CYP26A1: variants seen among roughly 807,000 people sequenced by gnomAD.
The protein encoded by CYP26A1 is cytochrome P450 family 26 subfamily A member 1.
In CYP26A1, 46 loss-of-function variants were observed where a neutral mutation model predicts 47.4. The observed-to-expected ratio is 0.97, with a 90% CI of 0.77 to 1.24. The LOEUF (loss-of-function observed/expected upper bound fraction) is 1.24, where lower values mean the gene tolerates loss of function less well. CYP26A1 is among the 50% of genes most tolerant of loss of function. The probability of loss-of-function intolerance (pLI) is 0.00; values close to 1 mark genes in which losing one functional copy is unlikely to be tolerated. For synonymous variants in CYP26A1, 277 were observed against 263.7 expected, an observed-to-expected ratio of 1.05 and a Z score of -0.49; for missense variants, 680 against 644.4, an observed-to-expected ratio of 1.06 and a Z score of -0.60.
Position 93,073,950 on chromosome 10 carries a change from C to A in CYP26A1, c.16C>A (p.Leu6Met). 1 of 1,116,310 alleles carries A rather than the reference C, an allele frequency of 9.0e-7. No individual in the cohort carries two copies. Among genetic ancestry groups the A allele is most frequent in the Non-Finnish European group, 1.4e-6 (1 of 734,340 alleles). 69.2% of individuals were successfully genotyped at this position (1,116,310 alleles called of 1,614,324 possible). A position where few individuals can be genotyped will look rare whatever the true frequency, so the allele number is the denominator to read the frequency against. Residue 6 changes from leucine (L) to methionine (M), a missense_variant, in exon 1 of 7, where the codon CTG (leucine) becomes ATG (methionine). Leu to Met is a conservative substitution (Grantham distance 15). Transcript: ENST00000224356. MGLPA[L>M]LASALCTFVL... is the part of the protein sequence containing the mutation. ...GCGGCGCGCCATGGGGCTCCCGGCG[C>A]TGCTGGCCAGTGCGCTCTGCACCTT...
At position 93,074,650 on chromosome 10, in the gene CYP26A1, C is replaced by G. The variant is rs1052605589; in HGVS notation, c.414+118C>G. On this transcript the variant is annotated intron_variant, in intron 2 of 6. Transcript: ENST00000224356. The surrounding 1 kb of genome is among the most constrained non-coding windows in gnomAD (Gnocchi z 5.3). ...GAGGTGGGCTAGGACCCTCTGCCAG[C>G]TCCAGGTTAGCTTTCCCAGCTCGGA... is the stretch of plus-strand genomic sequence containing the variant. The G allele has an allele frequency of 8.4e-6, 9 of 1,071,024 alleles. No homozygotes were observed. Among genetic ancestry groups the G allele is most frequent in the African/African-American group, 1.5e-5 (1 of 64,762 alleles). The allele number at this position is 1,071,024 out of a possible 1,614,324, so 66.3% of individuals were successfully genotyped here. A position where few individuals can be genotyped will look rare whatever the true frequency, so the allele number is the denominator to read the frequency against.
At position 93,074,956 on chromosome 10, in the gene CYP26A1, C is replaced by G. The variant is rs757705329; in HGVS notation, c.592C>G (p.Pro198Ala). The G allele has an allele frequency of 6.2e-7, 1 of 1,613,260 alleles. No homozygotes were observed. The highest frequency in any genetic ancestry group is 1.1e-5 in the South Asian group (1 of 91,084). ...CATGCGCATCCTACTGGGCTGCGAA[C>G]CCCAACTGGCGGGCGACGGGGACTC... is the stretch of plus-strand genomic sequence containing the variant. ...IAMRILLGCE[P>A]QLAGDGDSEQ... The change falls in exon 3 of 7, where the codon CCC becomes GCC. Residue 198 changes from proline to alanine, a missense_variant. Pro to Ala is a conservative substitution (Grantham distance 27, BLOSUM62 -1). Transcript: ENST00000224356. This position sits in a 1 kb window ranked among gnomAD's most constrained non-coding sequence, Gnocchi z 5.3.
In CYP26A1 at chr10:93,077,885, A is replaced by G. The variant is rs189730746; in HGVS notation, c.*581A>G. The stretch of plus-strand genomic sequence containing the variant: ...ACATAATAAATCTGTGTTGTCCAAT[A>G]GTGCCAGAACTGTTCTCTGAAGTTA... On this transcript the variant is annotated 3_prime_UTR_variant, in exon 7 of 7. Transcript: ENST00000224356. 1.3e-5 allele frequency: 2 copies of G among 152,382 alleles called. No individual in the cohort carries two copies. Among genetic ancestry groups the G allele is most frequent in the East Asian group, 3.9e-4 (2 of 5,184 alleles). 9.4% of individuals were successfully genotyped at this position (152,382 alleles called of 1,614,324 possible).
chr10:93,075,344 G>T (rs761215823), intron 4 of CYP26A1, 37 bp downstream of exon 4: 4 of 1,595,578 alleles, frequency 2.5e-6, no homozygotes, highest in Non-Finnish European at 3.4e-6. Flanking sequence ...TGCGGAGTTT[G>T]GTCCCCTGGC....
At chr10:93,073,764 G>A (rs1323795072), upstream of CYP26A1, 11 of 567,832 alleles carry the variant, frequency 1.9e-5, no homozygotes, top group Non-Finnish European at 2.8e-5. Context: ...GCAGCGCCTC[G>A]CGGGGGGAGG....
intron 6 of CYP26A1, 34 bp downstream of exon 6, chr10:93,076,730 T>G: frequency 6.5e-7 from 1 of 1,533,482 alleles, no homozygotes; most frequent in Non-Finnish European, 8.9e-7. Flanking sequence ...TCCCTTTTGT[T>G]GTGGTTTAAA....
In CYP26A1 at chr10:93,076,622, A is replaced by G. The variant is rs770238453; in HGVS notation, c.1078A>G (p.Ile360Val). The G allele has an allele frequency of 1.9e-6, 3 of 1,608,604 alleles. No homozygotes were observed. Among genetic ancestry groups the G allele is most frequent in the South Asian group, 2.2e-5 (2 of 90,912 alleles). ...LEQLKYIGCV[I>V]KETLRLNPPV... ...ACAACTTAAATACATCGGGTGTGTT[A>G]TTAAGGAGACCCTTCGACTGAATCC... Residue 360 changes from isoleucine (I) to valine (V), a missense_variant, in exon 6 of 7, where the codon ATT (isoleucine) becomes GTT (valine). Physicochemically the swap from Ile to Val is conservative, Grantham distance 29. Coordinates refer to ENST00000224356, the MANE Select transcript of CYP26A1 (RefSeq NM_000783.4).
Position 93,075,289 on chromosome 10 carries a change from A to AGAGCGGC in CYP26A1, c.847_853dup (p.Leu285ArgfsTer51). 2 of 1,613,952 alleles carry AGAGCGGC rather than the reference A, an allele frequency of 1.2e-6. No homozygotes were observed. The highest frequency in any genetic ancestry group is 1.7e-6 in the Non-Finnish European group (2 of 1,179,878). On this transcript the variant is annotated frameshift_variant, in exon 4 of 7. Transcript: ENST00000224356. LOFTEE classifies it high-confidence loss of function. Reference sequence around the variant, plus strand: ...TGATCGAGCACTCGTGGGAGAGGGGAGAGCGGCTGGACATGCAGGTGAGTA... The same window carrying AGAGCGGC: ...TGATCGAGCACTCGTGGGAGAGGGGAGAGCGGCGAGCGGCTGGACATGCAGGTGAGTA...
chr10:93,075,939 G>A lies in CYP26A1; in HGVS notation c.978G>A (p.Val326=). 6.2e-7 allele frequency: 1 copy of A among 1,613,400 alleles called. No individual in the cohort carries two copies. The highest frequency in any genetic ancestry group is 1.1e-5 in the South Asian group (1 of 91,074). ...LGLYPHVLQK[V]REELKSKGLL... The stretch of plus-strand genomic sequence containing the variant: ...TCTACCCACATGTTCTCCAGAAAGT[G>A]CGAGAAGAGCTGAAGAGTAAGGTAG... Residue 326 remains valine, a synonymous_variant, in exon 5 of 7, where the codon GTG becomes GTA. Coordinates refer to ENST00000224356, the MANE Select transcript of CYP26A1 (RefSeq NM_000783.4).
intron 5 of CYP26A1, 31 bp from the exon 6 acceptor site, chr10:93,076,513 A>T: frequency 6.5e-7 from 1 of 1,527,574 alleles, no homozygotes; most frequent in Non-Finnish European, 8.9e-7. Context: ...GCACAAAATA[A>T]CTGTTCACCT....
rs369990701 is a variant in CYP26A1, at chr10:93,074,301, C to G, written c.190-7C>G. 36 of 1,579,654 alleles carry G rather than the reference C, an allele frequency of 2.3e-5. No individual in the cohort carries two copies. The highest frequency in any genetic ancestry group is 3.1e-5 in the Non-Finnish European group (36 of 1,149,918). ...GCCCACTTCTCTCCTCCGCCTTCCTCCCACAGCGGAGGAAGTTCCTGCAGA... is the reference window on the plus strand; with the variant it reads ...GCCCACTTCTCTCCTCCGCCTTCCTGCCACAGCGGAGGAAGTTCCTGCAGA... On this transcript the variant is annotated splice_region_variant and splice_polypyrimidine_tract_variant and intron_variant, in intron 1 of 6. Coordinates refer to ENST00000224356, the MANE Select transcript of CYP26A1 (RefSeq NM_000783.4). The surrounding 1 kb of genome is among the most constrained non-coding windows in gnomAD (Gnocchi z 5.3).
rs192234280 is a variant in CYP26A1 at position 93,077,490 on chromosome 10, G to A, written c.*186G>A. On this transcript the variant is annotated 3_prime_UTR_variant, in exon 7 of 7. Coordinates refer to ENST00000224356, the MANE Select transcript of CYP26A1 (RefSeq NM_000783.4). Reference sequence around the variant, plus strand: ...ATCATTTCCAAATAAAGTAAAATTTGAAGGTACTTTTCTGGTATTTTAAGA... The same window carrying A: ...ATCATTTCCAAATAAAGTAAAATTTAAAGGTACTTTTCTGGTATTTTAAGA... The A allele has an allele frequency of 1.2e-3, 448 of 371,376 alleles. 1 individual carries two copies. The highest frequency in any genetic ancestry group is 7.9e-3 in the African/African-American group (379 of 48,034). The allele number at this position is 371,376 out of a possible 1,614,324, so 23.0% of individuals were successfully genotyped here.
In CYP26A1 at chr10:93,075,243, G is replaced by A; in HGVS notation, c.800G>A (p.Cys267Tyr). The stretch of plus-strand genomic sequence containing the variant: ...CGGGCATCCGAGGCGGGCCAGGGCT[G>A]CAAAGACGCGCTGCAGCTGTTGATC... ...GLRASEAGQG[C>Y]KDALQLLIEH... The change falls in exon 4 of 7, where the codon TGC (cysteine) becomes TAC (tyrosine). Residue 267 changes from cysteine to tyrosine, a missense_variant. Transcript: ENST00000224356. The A allele has an allele frequency of 6.2e-7, 1 of 1,614,054 alleles. No individual in the cohort carries two copies. Among genetic ancestry groups the A allele is most frequent in the Non-Finnish European group, 8.5e-7 (1 of 1,180,002 alleles).
rs768851695 is a variant in CYP26A1 at position 93,075,863 on chromosome 10, G to T, written c.902G>T (p.Gly301Val). The T allele has an allele frequency of 6.2e-7, 1 of 1,611,348 alleles. No individual in the cohort carries two copies. ...KQSSTELLFG[G>V]HETTASAATS... is the part of the protein sequence containing the mutation. The stretch of plus-strand genomic sequence containing the variant: ...TCTTCAACCGAACTCCTCTTTGGAG[G>T]ACACGAAACCACGGCCAGTGCAGCC... The change falls in exon 5 of 7, where the codon GGA becomes GTA. Residue 301 changes from glycine (G) to valine (V), a missense_variant. Physicochemically the swap from Gly to Val is moderately radical, Grantham distance 109 (BLOSUM62 -3). Transcript: ENST00000224356.
chr10:93,074,536 G>T lies in CYP26A1; in HGVS notation c.414+4G>T. On this transcript the variant is annotated splice_donor_region_variant and intron_variant, in intron 2 of 6. Coordinates refer to ENST00000224356, the MANE Select transcript of CYP26A1 (RefSeq NM_000783.4). This position sits in a 1 kb window ranked among gnomAD's most constrained non-coding sequence, Gnocchi z 5.3. ...CTCGCACAAGCAGCGCAAGAAGGTG[G>T]GGGCAGGAGGCGACGGCTGGACAGG... 1 of 1,561,338 alleles carries T rather than the reference G, an allele frequency of 6.4e-7. No homozygotes were observed.
chr10:93,075,221 G>C lies in CYP26A1; in HGVS notation c.778G>C (p.Ala260Pro). ...TCGCGCCAAGATCTGCGGGCTGCGG[G>C]CATCCGAGGCGGGCCAGGGCTGCAA... The part of the protein sequence containing the change: ...NIRAKICGLR[A>P]SEAGQGCKDA... The change falls in exon 4 of 7, where the codon GCA (alanine) becomes CCA (proline). Residue 260 changes from alanine to proline, a missense_variant. Ala to Pro is a conservative substitution (Grantham distance 27). Coordinates refer to ENST00000224356, the MANE Select transcript of CYP26A1 (RefSeq NM_000783.4). 6.2e-7 allele frequency: 1 copy of C among 1,614,024 alleles called. No individual in the cohort carries two copies. The highest frequency in any genetic ancestry group is 2.2e-5 in the East Asian group (1 of 44,882).
chr10:93,076,579 G>T lies in CYP26A1; in HGVS notation c.1035G>T (p.Leu345Phe), dbSNP rs1846979973. Residue 345 changes from leucine (L) to phenylalanine (F), a missense_variant, in exon 6 of 7, where the codon TTG becomes TTT. Transcript: ENST00000224356. Reference sequence around the variant, plus strand: ...GCAAGAGCAATCAAGACAACAAGTTGGACATGGAAATTTTGGAACAACTTA... The same window carrying T: ...GCAAGAGCAATCAAGACAACAAGTTTGACATGGAAATTTTGGAACAACTTA... ...LLCKSNQDNKLDMEILEQLKY... is the reference protein window; with the variant it reads ...LLCKSNQDNKFDMEILEQLKY... The T allele has an allele frequency of 6.2e-7, 1 of 1,608,626 alleles. No individual in the cohort carries two copies.
rs759298995 is a variant in CYP26A1, at chr10:93,077,087, A to C, written c.1277A>C (p.Asp426Ala). The C allele has an allele frequency of 1.9e-6, 3 of 1,613,826 alleles. No individual in the cohort carries two copies. Among genetic ancestry groups the C allele is most frequent in the Non-Finnish European group, 2.5e-6 (3 of 1,179,762 alleles). The part of the protein sequence containing the change: ...PDRFMLPHPE[D>A]ASRFSFIPFG... Reference sequence around the variant, plus strand: ...CGATTCATGCTGCCTCACCCAGAGGATGCATCCAGGTTCAGCTTCATTCCA... The same window carrying C: ...CGATTCATGCTGCCTCACCCAGAGGCTGCATCCAGGTTCAGCTTCATTCCA... Residue 426 changes from aspartate (D) to alanine (A), a missense_variant, in exon 7 of 7, where the codon GAT becomes GCT. Transcript: ENST00000224356.
chr10:93,074,054 T>A lies in CYP26A1; in HGVS notation c.120T>A (p.Cys40Ter). The A allele has an allele frequency of 6.5e-7, 1 of 1,539,734 alleles. No individual in the cohort carries two copies. The highest frequency in any genetic ancestry group is 8.8e-7 in the Non-Finnish European group (1 of 1,134,794). The change falls in exon 1 of 7, where the codon TGT becomes TGA. Residue 40 changes from cysteine to a stop codon, truncating the protein, a stop_gained. Transcript: ENST00000224356. LOFTEE classifies it high-confidence loss of function. The surrounding 1 kb of genome is among the most constrained non-coding windows in gnomAD (Gnocchi z 5.3). ...GCGTGAGCGGCCGCGACCGCAGTTGTGCCCTCCCATTGCCCCCCGGGACTA... is the reference window on the plus strand; with the variant it reads ...GCGTGAGCGGCCGCGACCGCAGTTGAGCCCTCCCATTGCCCCCCGGGACTA... ...LYCVSGRDRS[C>*]ALPLPPGTMG... is the part of the protein sequence containing the mutation.
Sources: gnomAD v4.1 joint callset for allele counts on GRCh38, gnomAD v4.1.1 for gene constraint, Gnocchi (gnomAD v3.1) non-coding constraint, MANE v1.5 for transcripts, NCBI Gene and HGNC (gene_info 2026-07-23, HGNC 2026-07-21) for gene names.